NANOG: variants seen among roughly 807,000 people sequenced by gnomAD.
The protein encoded by NANOG is Nanog homeobox.
NANOG carries 2 observed loss-of-function variants against 17.7 expected under a neutral mutation model. The observed-to-expected ratio is 0.11, with a 90% CI of 0.05 to 0.36. The LOEUF (loss-of-function observed/expected upper bound fraction) is 0.36. NANOG is among the 10% of genes least tolerant of loss of function. The probability of loss-of-function intolerance (pLI) is 1.00; values close to 1 mark genes in which losing one functional copy is unlikely to be tolerated. For missense variants in NANOG, 174 were observed against 362.1 expected, an observed-to-expected ratio of 0.48 and a Z score of 4.22; for synonymous variants, 81 against 124.7, an observed-to-expected ratio of 0.65 and a Z score of 2.33.
Position 7,797,081 on chromosome 12 carries a change from GTCTC to G in NANOG, c.*1992_*1995del, listed in dbSNP as rs1190538290. ...GGCCTATCGTTTGTTTTTTTAGACA[GTCTC>G]TCTCTATTGCCCAGGCTGGAGTGCA... On this transcript the variant is annotated 3_prime_UTR_variant, in exon 4 of 4. Coordinates refer to ENST00000229307, the MANE Select transcript of NANOG (RefSeq NM_024865.4). 1 of 150,050 alleles carries G rather than the reference GTCTC, an allele frequency of 6.7e-6. No individual in the cohort carries two copies. The highest frequency in any genetic ancestry group is 1.5e-5 in the Non-Finnish European group (1 of 67,556). 9.3% of individuals were successfully genotyped at this position (150,050 alleles called of 1,614,324 possible).
chr12:7,795,972 CA>C lies in NANOG; in HGVS notation c.*880del, dbSNP rs1208409182. The C allele has an allele frequency of 6.7e-6, 1 of 150,292 alleles. No homozygotes were observed. Among genetic ancestry groups the C allele is most frequent in the Admixed American group, 6.7e-5 (1 of 14,878 alleles). The allele number at this position is 150,292 out of a possible 1,614,324, so 9.3% of individuals were successfully genotyped here. Reference sequence around the variant, plus strand: ...AGTACTGCTTTAGTTGGTTTAAGTTCAAATGAATGAAACAACTATTTTTCCT... The same window carrying C: ...AGTACTGCTTTAGTTGGTTTAAGTTCAATGAATGAAACAACTATTTTTCCT... On this transcript the variant is annotated 3_prime_UTR_variant, in exon 4 of 4. Coordinates refer to ENST00000229307, the MANE Select transcript of NANOG (RefSeq NM_024865.4).
rs59456898 is a variant in NANOG, at chr12:7,796,355, T to TA, written c.*1262dup. On this transcript the variant is annotated 3_prime_UTR_variant, in exon 4 of 4. Coordinates refer to ENST00000229307, the MANE Select transcript of NANOG (RefSeq NM_024865.4). ...ATATGCCAGTTTTAGAATGAATGAATAATAAATATGCCAGTTTTAGAAAAA... is the reference window on the plus strand; with the variant it reads ...ATATGCCAGTTTTAGAATGAATGAATAAATAAATATGCCAGTTTTAGAAAAA... The TA allele has an allele frequency of 0.66, 100,569 of 151,958 alleles. 35,661 individuals carry two copies. Among genetic ancestry groups the TA allele is most frequent in the Non-Finnish European group, 0.79 (53,943 of 67,990 alleles). 9.4% of individuals were successfully genotyped at this position (151,958 alleles called of 1,614,324 possible). A position where few individuals can be genotyped will look rare whatever the true frequency, so the allele number is the denominator to read the frequency against.
rs76029001 is a variant in NANOG at position 7,790,533 on chromosome 12, C to T, written c.151+768C>T. Among the ~76,000 whole-genome samples the T allele has an allele frequency of 7.3e-3, 1,118 of 152,278 alleles. 3 individuals carry two copies. Among genetic ancestry groups the T allele is most frequent in the Non-Finnish European group, 0.012 (792 of 68,018 alleles). On this transcript the variant is annotated intron_variant, in intron 1 of 3. Transcript: ENST00000229307. ...GGGGATACTCGGGATACTCATAAAG[C>T]CGCTACCACTTTTTTGAAAATCAAT...
chr12:7,794,656 G>A, intron 3 of NANOG, 23 bp from the exon 4 acceptor site: 1 of 1,611,228 alleles, frequency 6.2e-7, no homozygotes, highest in Non-Finnish European at 8.5e-7. Flanking sequence ...TACCCTTTCT[G>A]TTAATCCCTC....
At chr12:7,792,123 G>A (rs1862849488) in intron 1 of NANOG, among the ~76,000 whole-genome samples, 1 of 152,134 alleles carries the variant, frequency 6.6e-6, no homozygotes. Context: ...TTGAACTCTT[G>A]ACCTCAAGTG....
At chr12:7,793,464 C>G (rs186916356) in intron 2 of NANOG, among the ~76,000 whole-genome samples, 4 of 152,116 alleles carry the variant, frequency 2.6e-5, no homozygotes, top group Non-Finnish European at 5.9e-5. Context: ...ATCTTTCCAA[C>G]GTTTCCTTAA....
rs1468172276 is a variant in NANOG, at chr12:7,796,530, C to T, written c.*1435C>T. 1 of 152,148 alleles carries T rather than the reference C, an allele frequency of 6.6e-6. No homozygotes were observed. The highest frequency in any genetic ancestry group is 2.4e-5 in the African/African-American group (1 of 41,448). The allele number at this position is 152,148 out of a possible 1,614,324, so 9.4% of individuals were successfully genotyped here. A position where few individuals can be genotyped will look rare whatever the true frequency, so the allele number is the denominator to read the frequency against. ...GCTAGTTGAAACAGATTTATGTTCT[C>T]ACCTTAAGAGCAGCTACGCAGGCAT... On this transcript the variant is annotated 3_prime_UTR_variant, in exon 4 of 4. Transcript: ENST00000229307.
rs752185923 is a variant in NANOG at position 7,798,815 on chromosome 12, A to C, written c.*3720A>C. On this transcript the variant is annotated 3_prime_UTR_variant, in exon 4 of 4. Coordinates refer to ENST00000229307, the MANE Select transcript of NANOG (RefSeq NM_024865.4). ...ACAAACCTAAAAGTAAAGGCAAACA[A>C]CTGCCAGACAGAGGCAGGAAAGTGG... 1.0e-5 allele frequency: 1 copy of C among 98,068 alleles called. No individual in the cohort carries two copies. Among genetic ancestry groups the C allele is most frequent in the African/African-American group, 4.2e-5 (1 of 23,746 alleles). 6.1% of individuals were successfully genotyped at this position (98,068 alleles called of 1,614,324 possible). A position where few individuals can be genotyped will look rare whatever the true frequency, so the allele number is the denominator to read the frequency against.
At chr12:7,793,891 G>T (rs12423089) in intron 2 of NANOG, among the ~76,000 whole-genome samples, 2 of 151,504 alleles carry the variant, frequency 1.3e-5, no homozygotes, top group East Asian at 1.9e-4. Context: ...ACAGGCGCCC[G>T]CCACTACACC....
At chr12:7,791,160 G>A (rs1862835760) in intron 1 of NANOG, among the ~76,000 whole-genome samples, 1 of 150,650 alleles carries the variant, frequency 6.6e-6, no homozygotes, top group African/African-American at 2.4e-5. Flanking sequence ...CCACGCGGGA[G>A]TGCAGTGGCG....
At chr12:7,794,313 T>C (rs572649678) in intron 2 of NANOG, 144 bp from the exon 3 acceptor site, 33 of 709,770 alleles carry the variant, frequency 4.6e-5, no homozygotes, top group Admixed American at 1.4e-4. Flanking sequence ...GCTCAAGCAA[T>C]CTGCCCGCCT....
rs1431814897 is a variant in NANOG, at chr12:7,796,972, G to A, written c.*1877G>A. The A allele has an allele frequency of 1.3e-5, 2 of 152,168 alleles. No individual in the cohort carries two copies. The highest frequency in any genetic ancestry group is 2.9e-5 in the Non-Finnish European group (2 of 68,096). The allele number at this position is 152,168 out of a possible 1,614,324, so 9.4% of individuals were successfully genotyped here. A position where few individuals can be genotyped will look rare whatever the true frequency, so the allele number is the denominator to read the frequency against. ...AGACAGGGTTTCACTATGTTGGCCA[G>A]GCTGGTCTTGAACTCCTGACCTCAT... On this transcript the variant is annotated 3_prime_UTR_variant, in exon 4 of 4. Coordinates refer to ENST00000229307, the MANE Select transcript of NANOG (RefSeq NM_024865.4).
rs1296906923 is a variant in NANOG at position 7,799,102 on chromosome 12, G to T, written c.*4007G>T. The T allele has an allele frequency of 6.6e-6, 1 of 152,106 alleles. No homozygotes were observed. Among genetic ancestry groups the T allele is most frequent in the Non-Finnish European group, 1.5e-5 (1 of 68,044 alleles). 9.4% of individuals were successfully genotyped at this position (152,106 alleles called of 1,614,324 possible). ...GCTATTCCTGGCTTCTGGGTAGTTG[G>T]TGTAAACTCTGTGGTCCTTGAATAA... On this transcript the variant is annotated 3_prime_UTR_variant, in exon 4 of 4. Transcript: ENST00000229307.
rs1379722740 is a variant in NANOG, at chr12:7,795,467, G to T, written c.*372G>T. The T allele has an allele frequency of 3.7e-6, 1 of 268,650 alleles. No individual in the cohort carries two copies. The highest frequency in any genetic ancestry group is 5.3e-5 in the Admixed American group (1 of 18,962). The allele number at this position is 268,650 out of a possible 1,614,324, so 16.6% of individuals were successfully genotyped here. On this transcript the variant is annotated 3_prime_UTR_variant, in exon 4 of 4. Coordinates refer to ENST00000229307, the MANE Select transcript of NANOG (RefSeq NM_024865.4). ...CTCCCGAGCAGCTGGGACTACAGGC[G>T]CCCGCCACCTCGCCCGGCTAATATT...
chr12:7,794,731 G>A lies in NANOG; in HGVS notation c.554G>A (p.Cys185Tyr), dbSNP rs1201812157. The A allele has an allele frequency of 6.4e-7, 1 of 1,570,242 alleles. No individual in the cohort carries two copies. Among genetic ancestry groups the A allele is most frequent in the Non-Finnish European group, 8.6e-7 (1 of 1,156,338 alleles). Residue 185 changes from cysteine (C) to tyrosine (Y), a missense_variant, in exon 4 of 4, where the codon TGC becomes TAC. This residue lies in a region of NANOG where 158 missense variants were observed against 244.2 expected (regional missense o/e 0.65). Transcript: ENST00000229307. Reference sequence around the variant, plus strand: ...CTTTACTCTTCCTACCACCAGGGATGCCTGGTGAACCCGACTGGGAACCTT... The same window carrying A: ...CTTTACTCTTCCTACCACCAGGGATACCTGGTGAACCCGACTGGGAACCTT... ...PSLYSSYHQG[C>Y]LVNPTGNLPM...
chr12:7,793,340 G>C (rs1862870218), intron 2 of NANOG, 128 bp downstream of exon 2: 1 of 795,112 alleles, frequency 1.3e-6, no homozygotes, highest in Non-Finnish European at 2.0e-6. Context: ...AATAATTTAT[G>C]AAGATGAAAT....
At position 7,798,401 on chromosome 12, in the gene NANOG, A is replaced by G. The variant is rs905990763; in HGVS notation, c.*3306A>G. The G allele has an allele frequency of 1.3e-5, 2 of 152,188 alleles. No homozygotes were observed. Among genetic ancestry groups the G allele is most frequent in the African/African-American group, 4.8e-5 (2 of 41,444 alleles). 9.4% of individuals were successfully genotyped at this position (152,188 alleles called of 1,614,324 possible). ...AACAAAAATAATAGGAGATTAGGCA[A>G]AAAGGATAGTACAAGGCTCTCTGTT... On this transcript the variant is annotated 3_prime_UTR_variant, in exon 4 of 4. Coordinates refer to ENST00000229307, the MANE Select transcript of NANOG (RefSeq NM_024865.4).
At chr12:7,792,004 C>G (rs1862847802) in intron 1 of NANOG, among the ~76,000 whole-genome samples, 1 of 152,190 alleles carries the variant, frequency 6.6e-6, no homozygotes, top group Non-Finnish European at 1.5e-5. Context: ...AAGTGATTCT[C>G]CTGCCTCAGT....
intron 1 of NANOG, among the ~76,000 whole-genome samples, chr12:7,791,964 G>A (rs1360016104): frequency 6.6e-6 from 1 of 152,096 alleles, no homozygotes; most frequent in East Asian, 1.9e-4. Context: ...TGGCACTCTC[G>A]GCTTACTGCA....
Sources: gnomAD v4.1 joint callset for allele counts (sites outside exome capture counted in the v4.1 genomes callset) on GRCh38, gnomAD v4.1.1 for gene constraint, gnomAD v4.1.1 regional missense constraint, MANE v1.5 for transcripts, NCBI Gene and HGNC (gene_info 2026-07-23, HGNC 2026-07-21) for gene names.